The following CAMK1D variants were observed in gnomAD, a reference collection of about 807,000 sequenced individuals.
CAMK1D encodes the protein calcium/calmodulin-dependent protein kinase type 1D.
In CAMK1D, 9 loss-of-function variants were observed where a neutral mutation model predicts 47.7. The ratio of observed to expected loss-of-function variants is 0.19; its 90% CI spans 0.11 to 0.33. The LOEUF (loss-of-function observed/expected upper bound fraction) is 0.33, where lower values mean the gene tolerates loss of function less well. Among genes scored for constraint, CAMK1D ranks in the 10% least tolerant of loss-of-function variants. The pLI is 1.00. For synonymous variants in CAMK1D, 184 were observed against 184.9 expected (o/e 0.99, Z 0.04); for missense variants, 291 against 488.7 (o/e 0.60, Z 3.81).
chr10:12,762,119 C>T (rs1227456145), intron 4 of CAMK1D, among the ~76,000 whole-genome samples: 2 of 152,106 alleles, frequency 1.3e-5, no homozygotes, highest in African/African-American at 2.4e-5. Context: ...TCAGACATAT[C>T]AACTTGAGAA....
At position 12,734,432 on chromosome 10, in the gene CAMK1D, ATACACACACACATATGTG is replaced by A. The variant is rs1164534243; in HGVS notation, c.300-26513_300-26496del. On this transcript the variant is annotated intron_variant, in intron 3 of 10. Coordinates refer to ENST00000619168, the MANE Select transcript of CAMK1D (RefSeq NM_153498.4). Reference sequence around the variant, plus strand: ...CACACACACACACATGTATATATATATACACACACACATATGTGTATATATACACATACACATATGTGT... The same window carrying A: ...CACACACACACACATGTATATATATATATATATACACATACACATATGTGT... Among the ~76,000 whole-genome samples the A allele has an allele frequency of 1.6e-4, 6 of 38,188 alleles. 1 individual carries two copies. Among genetic ancestry groups the A allele is most frequent in the Middle Eastern group, 9.8e-3 (1 of 102 alleles). 25.1% of individuals were successfully genotyped at this position (38,188 alleles called of 152,430 possible). A position where few individuals can be genotyped will look rare whatever the true frequency, so the allele number is the denominator to read the frequency against.
At chr10:12,370,240 T>C (rs1438600517) in intron 1 of CAMK1D, among the ~76,000 whole-genome samples, 1 of 152,152 alleles carries the variant, frequency 6.6e-6, no homozygotes, top group African/African-American at 2.4e-5. Flanking sequence ...TTTGTGGCGA[T>C]GCTGGGGTCA....
intron 2 of CAMK1D, among the ~76,000 whole-genome samples, chr10:12,604,089 G>A (rs1838381574): frequency 7.3e-6 from 1 of 137,688 alleles, no homozygotes; most frequent in Non-Finnish European, 1.7e-5. Context: ...TGTCATACTG[G>A]GATCGCTCCT....
At chr10:12,502,433 A>G (rs892172594) in intron 1 of CAMK1D, among the ~76,000 whole-genome samples, 1 of 152,100 alleles carries the variant, frequency 6.6e-6, no homozygotes, top group African/African-American at 2.4e-5. Flanking sequence ...GCTTGTGGGC[A>G]GCGCTGGGTT....
intron 1 of CAMK1D, among the ~76,000 whole-genome samples, chr10:12,400,090 C>T (rs1415859945): frequency 3.3e-5 from 5 of 152,108 alleles, no homozygotes; most frequent in Non-Finnish European, 7.3e-5. Flanking sequence ...GATGATGTGA[C>T]GCGATGGGAT....
At chr10:12,572,455 A>G (rs1837357041) in intron 2 of CAMK1D, among the ~76,000 whole-genome samples, 1 of 152,080 alleles carries the variant, frequency 6.6e-6, no homozygotes, top group Non-Finnish European at 1.5e-5. Flanking sequence ...AAATTTTTGC[A>G]TAGCAAAGGA....
In CAMK1D at chr10:12,475,130, T is replaced by G. The variant is rs531223876; in HGVS notation, c.93-78095T>G. 3.9e-5 allele frequency among the ~76,000 whole-genome samples: 6 copies of G among 152,324 alleles called. No individual in the cohort carries two copies. The East Asian group carries it at 1.2e-3, about 29-fold the overall frequency. On this transcript the variant is annotated intron_variant, in intron 1 of 10. Coordinates refer to ENST00000619168, the MANE Select transcript of CAMK1D (RefSeq NM_153498.4). ...GGTATATACCTAGTCATGGAATTGC[T>G]GGGTCGAATTCATTGTAATCATCTT...
intron 6 of CAMK1D, among the ~76,000 whole-genome samples, chr10:12,808,741 G>A (rs1588953669): frequency 6.6e-6 from 1 of 152,058 alleles, no homozygotes; most frequent in East Asian, 1.9e-4. Flanking sequence ...TCGCGCTACT[G>A]CACTCCAACC....
At chr10:12,391,162 T>C (rs1388759908) in intron 1 of CAMK1D, among the ~76,000 whole-genome samples, 2 of 152,200 alleles carry the variant, frequency 1.3e-5, no homozygotes, top group African/African-American at 2.4e-5. Context: ...GATTGAACTT[T>C]TAAGATCTTT....
intron 2 of CAMK1D, among the ~76,000 whole-genome samples, chr10:12,609,550 T>C (rs1044866578): frequency 6.6e-6 from 1 of 152,098 alleles, no homozygotes; most frequent in African/African-American, 2.4e-5. Flanking sequence ...GGCGTTAGAT[T>C]CTCAAAAGGA....
intron 2 of CAMK1D, among the ~76,000 whole-genome samples, chr10:12,582,665 C>A (rs1167821586): frequency 6.6e-6 from 1 of 152,162 alleles, no homozygotes; most frequent in Non-Finnish European, 1.5e-5. Flanking sequence ...TGATTTGATT[C>A]TCAGCTTGGT....
At chr10:12,531,471 G>A (rs1443545555) in intron 1 of CAMK1D, among the ~76,000 whole-genome samples, 1 of 152,158 alleles carries the variant, frequency 6.6e-6, no homozygotes, top group African/African-American at 2.4e-5. Flanking sequence ...TAAACATACT[G>A]TCTGTGAACA....
chr10:12,769,470 T>C (rs1489408596), intron 4 of CAMK1D, among the ~76,000 whole-genome samples: 1 of 152,216 alleles, frequency 6.6e-6, no homozygotes, highest in Non-Finnish European at 1.5e-5. Flanking sequence ...CTAACGTTGA[T>C]TGAAAGCCTG....
chr10:12,635,296 C>T (rs986507973), intron 2 of CAMK1D, among the ~76,000 whole-genome samples: 13 of 152,156 alleles, frequency 8.5e-5, no homozygotes, highest in Non-Finnish European at 1.3e-4. Flanking sequence ...TTTCCTGGGA[C>T]TTCCCATCCG....
At chr10:12,533,430 C>T (rs982591100) in intron 1 of CAMK1D, among the ~76,000 whole-genome samples, 1 of 152,206 alleles carries the variant, frequency 6.6e-6, no homozygotes, top group South Asian at 2.1e-4. Context: ...CCTTTGCAGA[C>T]TGACCCAATC....
At chr10:12,425,995 G>A (rs1329484554) in intron 1 of CAMK1D, among the ~76,000 whole-genome samples, 1 of 152,164 alleles carries the variant, frequency 6.6e-6, no homozygotes, top group East Asian at 1.9e-4. Context: ...AACAGCCCAT[G>A]CCAGGTATAT....
intron 3 of CAMK1D, among the ~76,000 whole-genome samples, chr10:12,744,419 G>T (rs1394796532): frequency 6.6e-6 from 1 of 152,104 alleles, no homozygotes; most frequent in Non-Finnish European, 1.5e-5. Flanking sequence ...TTCCATCGTG[G>T]CTGCCCCACT....
At chr10:12,385,069 G>A (rs574130424) in intron 1 of CAMK1D, among the ~76,000 whole-genome samples, 4 of 152,274 alleles carry the variant, frequency 2.6e-5, no homozygotes, top group African/African-American at 9.6e-5. Context: ...CTTCATACCC[G>A]CTAGGATGAC....
intron 1 of CAMK1D, among the ~76,000 whole-genome samples, chr10:12,500,790 AG>A (rs1834677751): frequency 6.6e-6 from 1 of 152,268 alleles, no homozygotes; most frequent in South Asian, 2.1e-4. Context: ...TGAAGTACAC[AG>A]GTATGTTGTA....
Sources: allele counts gnomAD v4.1 joint callset (sites outside exome capture counted in the v4.1 genomes callset), GRCh38; gene constraint gnomAD v4.1.1; transcripts MANE v1.5; gene names NCBI Gene and HGNC (gene_info 2026-07-23, HGNC 2026-07-21).